The following ARMC9 variants were observed in gnomAD, a reference collection of about 807,000 sequenced individuals.
ARMC9 encodes armadillo repeat containing 9.
Under a neutral mutation model 107.0 loss-of-function variants are expected in ARMC9, and 94 were observed. The observed-to-expected ratio is 0.88, with a 90% CI of 0.74 to 1.04. The LOEUF (loss-of-function observed/expected upper bound fraction) is 1.04. Among genes scored for constraint, ARMC9 ranks in the 50% least tolerant of loss-of-function variants. The probability of loss-of-function intolerance (pLI) is 0.00; values close to 1 mark genes in which losing one functional copy is unlikely to be tolerated. For missense variants in ARMC9, 942 were observed against 1,030.1 expected (o/e 0.91, Z 1.17); for synonymous variants, 380 against 396.9 (o/e 0.96, Z 0.51).
Position 231,235,400 on chromosome 2 carries a change from TG to T in ARMC9, c.780+20del. The T allele has an allele frequency of 6.2e-7, 1 of 1,613,802 alleles. No individual in the cohort carries two copies. The highest frequency in any genetic ancestry group is 1.1e-5 in the South Asian group (1 of 90,990). Reference sequence around the variant, plus strand: ...CAAGATGGTAAGGAAGATCCCTAATTGTGTGTATGTCTGTTTGGCAATGAAG... The same window carrying T: ...CAAGATGGTAAGGAAGATCCCTAATTTGTGTATGTCTGTTTGGCAATGAAG... On this transcript the variant is annotated intron_variant, in intron 8 of 24. Coordinates refer to ENST00000611582, the MANE Select transcript of ARMC9 (RefSeq NM_001352754.2).
Position 231,360,741 on chromosome 2 carries a change from T to C in ARMC9, c.2132-13T>C. 6.5e-7 allele frequency: 1 copy of C among 1,536,046 alleles called. No individual in the cohort carries two copies. The highest frequency in any genetic ancestry group is 8.7e-7 in the Non-Finnish European group (1 of 1,146,882). On this transcript the variant is annotated splice_polypyrimidine_tract_variant and intron_variant, in intron 22 of 24. Coordinates refer to ENST00000611582, the MANE Select transcript of ARMC9 (RefSeq NM_001352754.2). This position sits in a 1 kb window ranked among gnomAD's most constrained non-coding sequence, Gnocchi z 4.7. The stretch of plus-strand genomic sequence containing the variant: ...GAGCAGATGTGGACTGAACTTTCTC[T>C]CCTCCTCCCCAGCAGCCATCATCGC...
At chr2:231,230,449 A>G (rs540527155) in intron 7 of ARMC9, among the ~76,000 whole-genome samples, 2 of 152,326 alleles carry the variant, frequency 1.3e-5, no homozygotes, top group East Asian at 3.9e-4. Context: ...GAAAATAGAA[A>G]GTCCTGTTTA....
chr2:231,299,104 A>C (rs2041562796), intron 19 of ARMC9, among the ~76,000 whole-genome samples: 1 of 152,206 alleles, frequency 6.6e-6, no homozygotes, highest in African/African-American at 2.4e-5. Flanking sequence ...TTTTCTCTGT[A>C]ATTTATAATG....
chr2:231,267,482 C>A (rs552520656), intron 12 of ARMC9, among the ~76,000 whole-genome samples: 1 of 152,320 alleles, frequency 6.6e-6, no homozygotes, highest in Admixed American at 6.5e-5. Context: ...CCGCCTGCCT[C>A]AGCCTCCCAA....
chr2:231,248,274 C>G (rs1288377722), intron 9 of ARMC9, among the ~76,000 whole-genome samples: 2 of 152,174 alleles, frequency 1.3e-5, no homozygotes, highest in African/African-American at 2.4e-5. Context: ...CCATAGTTCC[C>G]TCTTGGCTTA....
At chr2:231,288,609 C>T (rs1211026309) in intron 17 of ARMC9, 20 of 470,982 alleles carry the variant, frequency 4.2e-5, no homozygotes, top group South Asian at 6.2e-5. Context: ...GTGTTCAGTG[C>T]GTGTTGTCAG....
At position 231,359,248 on chromosome 2, in the gene ARMC9, G is replaced by A. The variant is rs190286845; in HGVS notation, c.2132-1506G>A. ...ATTACAGGCATGTGTTACCATACCC[G>A]GCTAATTTTTGTATTTTTAGTAGAG... On this transcript the variant is annotated intron_variant, in intron 22 of 24. Transcript: ENST00000611582. Among the ~76,000 whole-genome samples the A allele has an allele frequency of 2.8e-3, 422 of 152,054 alleles. 2 individuals carry two copies. The highest frequency in any genetic ancestry group is 8.1e-3 in the African/African-American group (337 of 41,458).
chr2:231,228,638 C>G (rs2034904192), intron 7 of ARMC9, among the ~76,000 whole-genome samples: 1 of 152,226 alleles, frequency 6.6e-6, no homozygotes, highest in Admixed American at 6.5e-5. Flanking sequence ...CTAAGGCCCC[C>G]TCACCTTCAG....
chr2:231,235,444 A>C, intron 8 of ARMC9, 63 bp downstream of exon 8: 1 of 1,565,616 alleles, frequency 6.4e-7, no homozygotes, highest in Non-Finnish European at 8.7e-7. Flanking sequence ...ATAGGCATGG[A>C]CTATGTTGAT....
intron 7 of ARMC9, among the ~76,000 whole-genome samples, chr2:231,234,248 A>G (rs983425445): frequency 2.0e-5 from 3 of 152,186 alleles, no homozygotes; most frequent in Admixed American, 6.5e-5. Flanking sequence ...AGAAGTGCCA[A>G]CACCGATGAG....
rs754330856 is a variant in ARMC9, at chr2:231,276,649, A to G, written c.1348A>G (p.Thr450Ala). ...CTTTCTTCCCAGGCGCCCGCTGCAG[A>G]CAGCGATGATTCAAGACGGCCTCAT... ...QKFSLRRPLQ[T>A]AMIQDGLIFW... The change falls in exon 15 of 25, where the codon ACA becomes GCA. Residue 450 changes from threonine (T) to alanine (A), a missense_variant. Transcript: ENST00000611582. 1.2e-6 allele frequency: 2 copies of G among 1,614,130 alleles called. No homozygotes were observed. Among genetic ancestry groups the G allele is most frequent in the Non-Finnish European group, 1.7e-6 (2 of 1,180,026 alleles).
chr2:231,355,822 C>G lies in ARMC9; in HGVS notation c.2019C>G (p.Pro673=), dbSNP rs1194300716. 9.8e-6 allele frequency: 15 copies of G among 1,536,020 alleles called. No homozygotes were observed. The highest frequency in any genetic ancestry group is 1.2e-5 in the South Asian group (1 of 84,036). ...YPVVEDQHTP[P]QTAQHARNGH... is the part of the protein sequence containing the mutation. The stretch of plus-strand genomic sequence containing the variant: ...GGGTGGAAGACCAACACACACCTCC[C>G]CAGACAGCCCAGCACGCCAGAAACG... Residue 673 remains proline (P), a synonymous_variant, in exon 22 of 25, where the codon CCC becomes CCG. Coordinates refer to ENST00000611582, the MANE Select transcript of ARMC9 (RefSeq NM_001352754.2).
chr2:231,282,803 C>T (rs1222523530), intron 17 of ARMC9, among the ~76,000 whole-genome samples: 1 of 152,170 alleles, frequency 6.6e-6, no homozygotes, highest in Non-Finnish European at 1.5e-5. Context: ...CACCAGAGAC[C>T]AAACTTATTT....
intron 9 of ARMC9, among the ~76,000 whole-genome samples, chr2:231,254,357 CTT>C (rs2037565428): frequency 6.6e-6 from 1 of 152,102 alleles, no homozygotes; most frequent in Admixed American, 6.6e-5. Context: ...AAAGTAAACT[CTT>C]TTCTACCCTT....
chr2:231,324,160 C>A, intron 19 of ARMC9, among the ~76,000 whole-genome samples: 1 of 102,078 alleles, frequency 9.8e-6, no homozygotes, highest in Non-Finnish European at 1.8e-5. Context: ...TGTAGTCTTG[C>A]TCTGTTGCCC....
At chr2:231,309,745 G>GT (rs1418500763) in intron 19 of ARMC9, among the ~76,000 whole-genome samples, 2 of 151,634 alleles carry the variant, frequency 1.3e-5, no homozygotes, top group Admixed American at 6.6e-5. Flanking sequence ...AATCTAAGAT[G>GT]TTTTTTCCAA....
At chr2:231,211,573 A>G (rs902735214) in intron 3 of ARMC9, among the ~76,000 whole-genome samples, 4 of 151,672 alleles carry the variant, frequency 2.6e-5, no homozygotes, top group African/African-American at 9.7e-5. Flanking sequence ...TGGGTGTGCA[A>G]GTATCTCTTT....
At chr2:231,356,012 G>T (rs1480245601) in intron 22 of ARMC9, 78 bp downstream of exon 22, 6 of 1,460,840 alleles carry the variant, frequency 4.1e-6, no homozygotes, top group Non-Finnish European at 5.5e-6. Context: ...AGCAGGAGTG[G>T]CAGACGCACG....
Position 231,335,185 on chromosome 2 carries a change from G to A in ARMC9, c.1878+3288G>A, listed in dbSNP as rs370339858. ...ACAGATAAAACTGCTCTTGCTGAGT[G>A]GGGTAGATAACAGCTGGTCAGTGGC... On this transcript the variant is annotated intron_variant, in intron 20 of 24. Transcript: ENST00000611582. Among the ~76,000 whole-genome samples the A allele has an allele frequency of 2.0e-5, 3 of 152,208 alleles. No homozygotes were observed. The East Asian group carries it at 5.8e-4, about 29-fold the overall frequency.
Sources: allele counts gnomAD v4.1 joint callset (sites outside exome capture counted in the v4.1 genomes callset), GRCh38; gene constraint gnomAD v4.1.1; non-coding constraint Gnocchi (gnomAD v3.1); transcripts MANE v1.5; gene names NCBI Gene and HGNC (gene_info 2026-07-23, HGNC 2026-07-21).